CCSER1: variants seen among roughly 807,000 people sequenced by gnomAD.
CCSER1 encodes the protein serine-rich coiled-coil domain-containing protein 1.
CCSER1 carries 41 observed loss-of-function variants against 82.0 expected under a neutral mutation model. The observed-to-expected ratio is 0.50, with a 90% confidence interval of 0.39 to 0.65. The LOEUF (loss-of-function observed/expected upper bound fraction) is 0.65, where lower values mean the gene tolerates loss of function less well. CCSER1 is among the 30% of genes least tolerant of loss of function. CCSER1 has a pLI of 0.00. For missense variants in CCSER1, 1,119 were observed against 1,064.2 expected (o/e 1.05, Z -0.72); for synonymous variants, 414 against 383.9 (o/e 1.08, Z -0.92).
In CCSER1 at chr4:91,565,026, T is replaced by TTGTGTG. The variant is rs56723869; in HGVS notation, c.2218-33497_2218-33492dup. 5.2e-4 allele frequency among the ~76,000 whole-genome samples: 68 copies of TTGTGTG among 131,124 alleles called. 2 individuals are homozygous for TTGTGTG. The highest frequency in any genetic ancestry group is 2.4e-3 in the South Asian group (8 of 3,356). 86.0% of individuals were successfully genotyped at this position (131,124 alleles called of 152,430 possible). Reference sequence around the variant, plus strand: ...ATTTAAGTCTTTAATGCACCTTGAGTTGTGTGTGTGTGTGTGTGTGTGTGT... The same window carrying TTGTGTG: ...ATTTAAGTCTTTAATGCACCTTGAGTTGTGTGTGTGTGTGTGTGTGTGTGTGTGTGT... On this transcript the variant is annotated intron_variant, in intron 10 of 10. Transcript: ENST00000509176.
chr4:91,426,598 A>G (rs534237874), intron 10 of CCSER1, among the ~76,000 whole-genome samples: 4 of 152,298 alleles, frequency 2.6e-5, no homozygotes, highest in Middle Eastern at 3.4e-3. Flanking sequence ...ATTTTAAAAA[A>G]ACTTAGTCTA....
chr4:91,041,256 A>G (rs1741932349), intron 9 of CCSER1, among the ~76,000 whole-genome samples: 1 of 152,174 alleles, frequency 6.6e-6, no homozygotes, highest in Admixed American at 6.5e-5. Context: ...TTTTACACAT[A>G]TCATTTGAAT....
intron 10 of CCSER1, among the ~76,000 whole-genome samples, chr4:91,202,668 AT>A (rs1735999202): frequency 1.4e-5 from 1 of 73,234 alleles, no homozygotes; most frequent in Non-Finnish European, 2.6e-5. Context: ...CTTCATAAAA[AT>A]GTAGTCACTG....
At chr4:90,926,781 C>T (rs1477420365) in intron 9 of CCSER1, among the ~76,000 whole-genome samples, 2 of 151,998 alleles carry the variant, frequency 1.3e-5, no homozygotes, top group Non-Finnish European at 2.9e-5. Context: ...TTAACCTCTT[C>T]CACGTTCCTC....
At chr4:90,841,142 A>G (rs1376065254) in intron 8 of CCSER1, among the ~76,000 whole-genome samples, 3 of 147,554 alleles carry the variant, frequency 2.0e-5, no homozygotes, top group Middle Eastern at 3.6e-3. Context: ...ACCTCAGCCA[A>G]TGTAGAAGCT....
rs768835284 is a variant in CCSER1 at position 90,723,987 on chromosome 4, T to C, written c.2006T>C (p.Phe669Ser). Reference protein sequence around the residue: ...VSPLTEEPVPFKDIMKDECSM... With the variant: ...VSPLTEEPVPSKDIMKDECSM... The stretch of plus-strand genomic sequence containing the variant: ...CCTCTTACTGAAGAGCCAGTGCCTT[T>C]CAAGGTAAAAAACAAACAAGAAAGC... Residue 669 changes from phenylalanine to serine, a missense_variant, in exon 7 of 11, where the codon TTC (phenylalanine) becomes TCC (serine). Transcript: ENST00000509176. 6.4e-7 allele frequency: 1 copy of C among 1,555,854 alleles called. No individual in the cohort carries two copies. Among genetic ancestry groups the C allele is most frequent in the South Asian group, 1.2e-5 (1 of 83,590 alleles).
At chr4:90,453,808 T>C (rs768229272) in intron 4 of CCSER1, among the ~76,000 whole-genome samples, 2 of 152,172 alleles carry the variant, frequency 1.3e-5, no homozygotes, top group South Asian at 4.1e-4. Context: ...ATGGTAGCAC[T>C]AAGAGAGAAG....
intron 10 of CCSER1, among the ~76,000 whole-genome samples, chr4:91,276,867 A>G (rs935811403): frequency 1.3e-5 from 2 of 152,098 alleles, no homozygotes; most frequent in African/African-American, 4.8e-5. Context: ...TCATAAAGGA[A>G]TGTTGAATTT....
intron 10 of CCSER1, among the ~76,000 whole-genome samples, chr4:91,175,469 C>T (rs368525282): frequency 3.3e-5 from 5 of 152,224 alleles, no homozygotes; most frequent in South Asian, 2.1e-4. Context: ...TTTCTCCACA[C>T]CCTCTCCAGC....
chr4:90,194,255 T>C (rs970221225), intron 1 of CCSER1, among the ~76,000 whole-genome samples: 5 of 152,068 alleles, frequency 3.3e-5, no homozygotes, highest in African/African-American at 7.2e-5. Context: ...TTTTTATCTG[T>C]AAAGTAGGCA....
intron 10 of CCSER1, among the ~76,000 whole-genome samples, chr4:91,491,325 C>A (rs558847741): frequency 1.3e-5 from 2 of 151,770 alleles, no homozygotes; most frequent in African/African-American, 2.4e-5. Flanking sequence ...TCAAACCTAG[C>A]GAGTCAGTAA....
chr4:90,438,167 AGTGGCAT>A (rs1759319614), intron 4 of CCSER1, among the ~76,000 whole-genome samples: 1 of 152,208 alleles, frequency 6.6e-6, no homozygotes, highest in Non-Finnish European at 1.5e-5. Flanking sequence ...TTACTAAGGC[AGTGGCAT>A]TTTTTGTTTC....
chr4:90,143,253 A>G (rs1457043212), intron 1 of CCSER1, among the ~76,000 whole-genome samples: 1 of 152,038 alleles, frequency 6.6e-6, no homozygotes, highest in African/African-American at 2.4e-5. Flanking sequence ...GTATTAAGCC[A>G]ATTTCTTCTC....
chr4:90,968,149 AAGAT>A (rs1295836824), intron 9 of CCSER1, among the ~76,000 whole-genome samples: 17 of 152,022 alleles, frequency 1.1e-4, no homozygotes. Flanking sequence ...AGAAAAAAGA[AAGAT>A]AGGCTCACAG....
chr4:90,844,252 G>A (rs1004726667), intron 8 of CCSER1, among the ~76,000 whole-genome samples: 1 of 151,904 alleles, frequency 6.6e-6, no homozygotes, highest in African/African-American at 2.4e-5. Context: ...AGACAGATAT[G>A]TAGCAACTGG....
chr4:90,794,314 T>C (rs1164443347), intron 7 of CCSER1, among the ~76,000 whole-genome samples: 1 of 152,226 alleles, frequency 6.6e-6, no homozygotes, highest in African/African-American at 2.4e-5. Context: ...TTTAAGTCTT[T>C]AATCCATCTT....
chr4:90,782,645 T>TG (rs1753926296), intron 7 of CCSER1, among the ~76,000 whole-genome samples: 1 of 151,674 alleles, frequency 6.6e-6, no homozygotes, highest in East Asian at 1.9e-4. Context: ...TGGGAGAAGG[T>TG]GAGAAGTCAA....
chr4:90,133,002 C>G lies in CCSER1; in HGVS notation c.-42+5171C>G, dbSNP rs546401231. 2.0e-5 allele frequency among the ~76,000 whole-genome samples: 3 copies of G among 152,164 alleles called. No individual in the cohort carries two copies. In the East Asian group the frequency reaches 5.8e-4, roughly 29 times the overall value. On this transcript the variant is annotated intron_variant, in intron 1 of 10. Coordinates refer to ENST00000509176, the MANE Select transcript of CCSER1 (RefSeq NM_001145065.2). The stretch of plus-strand genomic sequence containing the variant: ...CAGCAAGTATAAACTTGTTAAAATG[C>G]CATATCTGGAGCCCCACCACAGACT...
At chr4:90,386,884 T>C (rs1352129659) in intron 3 of CCSER1, among the ~76,000 whole-genome samples, 1 of 152,214 alleles carries the variant, frequency 6.6e-6, no homozygotes, top group African/African-American at 2.4e-5. Context: ...AAAGTAGCTG[T>C]TTCCTGCAAC....
Sources: gnomAD v4.1 joint callset for allele counts (sites outside exome capture counted in the v4.1 genomes callset) on GRCh38, gnomAD v4.1.1 for gene constraint, MANE v1.5 for transcripts, NCBI Gene and HGNC (gene_info 2026-07-23, HGNC 2026-07-21) for gene names.